Variants in FKBP9 observed in about 807,000 individuals in gnomAD.
The protein encoded by FKBP9 is peptidyl-prolyl cis-trans isomerase FKBP9.
In FKBP9, 27 loss-of-function variants were observed where a neutral mutation model predicts 55.6. The ratio of observed to expected loss-of-function variants is 0.49; its 90% CI spans 0.36 to 0.67. FKBP9 has a LOEUF of 0.67. Among genes scored for constraint, FKBP9 ranks in the 30% least tolerant of loss-of-function variants. FKBP9 has a pLI of 0.00. For missense variants in FKBP9, 539 were observed against 742.8 expected (o/e 0.73, Z 3.19); for synonymous variants, 267 against 296.5 (o/e 0.90, Z 1.02).
At chr7:32,977,985 G>A (rs1359909192) in intron 4 of FKBP9, among the ~76,000 whole-genome samples, 29 of 147,508 alleles carry the variant, frequency 2.0e-4, no homozygotes, top group Non-Finnish European at 2.7e-4. Context: ...GCAGTGGTGC[G>A]ATCTCGGCTC....
intron 6 of FKBP9, among the ~76,000 whole-genome samples, chr7:32,995,381 T>C (rs886362751): frequency 1.3e-5 from 2 of 152,166 alleles, no homozygotes; most frequent in South Asian, 2.1e-4. Context: ...GGCTGGGGGA[T>C]GTATTACAAC....
At chr7:32,984,613 A>C (rs1784541327) in intron 5 of FKBP9, among the ~76,000 whole-genome samples, 1 of 152,170 alleles carries the variant, frequency 6.6e-6, no homozygotes, top group African/African-American at 2.4e-5. Flanking sequence ...TATAGCAGAA[A>C]ATGTAAATTT....
In FKBP9 at chr7:33,003,371, C is replaced by G. The variant is rs182946102; in HGVS notation, c.1536+532C>G. On this transcript the variant is annotated intron_variant, in intron 9 of 9. Transcript: ENST00000242209. ...CATCCTCCAGCCTTTTCCTCTCTCT[C>G]TCCACATCATCAGCCCTTCTGGATC... 3.9e-4 allele frequency among the ~76,000 whole-genome samples: 59 copies of G among 152,360 alleles called. 1 individual carries two copies. Among genetic ancestry groups the G allele is most frequent in the African/African-American group, 1.3e-3 (53 of 41,582 alleles).
At chr7:32,973,580 AGTGTGTGTGTGTGT>A (rs10566069) in intron 1 of FKBP9, among the ~76,000 whole-genome samples, 1 of 144,010 alleles carries the variant, frequency 6.9e-6, no homozygotes, top group African/African-American at 2.7e-5. Context: ...AAAAAAATCA[AGTGTGTGTGTGTGT>A]GTGTGTGTGT....
In FKBP9 at chr7:32,957,600, G is replaced by C. The variant is rs1014231497; in HGVS notation, c.27G>C (p.Pro9=). The C allele has an allele frequency of 2.0e-5, 30 of 1,474,136 alleles. No homozygotes were observed. In the Middle Eastern group the frequency reaches 6.4e-4, roughly 32 times the overall value. 91.3% of individuals were successfully genotyped at this position (1,474,136 alleles called of 1,614,324 possible). Residue 9 remains proline, a synonymous_variant, in exon 1 of 10, where the codon CCG becomes CCC. Transcript: ENST00000242209. The stretch of plus-strand genomic sequence containing the variant: ...TGGCGTTCCGGGGCTGGAGGCCCCC[G>C]CCGCCACCGCTGCTCCTGCTGCTGC... The part of the protein sequence containing the change: MAFRGWRP[P]PPPLLLLLLW...
chr7:32,996,691 CCTTT>C (rs1784800052), intron 7 of FKBP9, among the ~76,000 whole-genome samples: 6 of 122,592 alleles, frequency 4.9e-5, no homozygotes, highest in Admixed American at 2.7e-4. Flanking sequence ...CCTCTTCTTT[CCTTT>C]CTTTCTCTTT....
At position 32,968,783 on chromosome 7, in the gene FKBP9, G is replaced by C. The variant is rs537670155; in HGVS notation, c.222-5834G>C. ...AGACGGGGTTTTGCCTCAGCCCCCC[G>C]AGTAGCTGGGATTACAGGCATATGC... On this transcript the variant is annotated intron_variant, in intron 1 of 9. Transcript: ENST00000242209. Among the ~76,000 whole-genome samples the C allele has an allele frequency of 6.6e-3, 1,006 of 151,394 alleles. 5 individuals carry two copies. Among genetic ancestry groups the C allele is most frequent in the Non-Finnish European group, 0.011 (754 of 67,844 alleles).
At chr7:32,969,074 C>T (rs1330961328) in intron 1 of FKBP9, among the ~76,000 whole-genome samples, 2 of 152,126 alleles carry the variant, frequency 1.3e-5, no homozygotes, top group East Asian at 3.8e-4. Flanking sequence ...AATCCCTTTG[C>T]TCATTTTAAA....
At position 32,957,753 on chromosome 7, in the gene FKBP9, C is replaced by T; in HGVS notation, c.180C>T (p.His60=). The change falls in exon 1 of 10, where the codon CAC becomes CAT. Residue 60 remains histidine (H), a synonymous_variant. Coordinates refer to ENST00000242209, the MANE Select transcript of FKBP9 (RefSeq NM_007270.5). ...GCAGCGGCGACTTCGTGCGCTACCACTACGTGGGGACGTTCCCCGACGGCC... is the reference window on the plus strand; with the variant it reads ...GCAGCGGCGACTTCGTGCGCTACCATTACGTGGGGACGTTCCCCGACGGCC... ...TVRSGDFVRY[H]YVGTFPDGQK... 6.6e-7 allele frequency: 1 copy of T among 1,504,650 alleles called. No homozygotes were observed. The highest frequency in any genetic ancestry group is 8.8e-7 in the Non-Finnish European group (1 of 1,130,508). 93.2% of individuals were successfully genotyped at this position (1,504,650 alleles called of 1,614,324 possible).
At chr7:32,967,194 T>C (rs1378346802) in intron 1 of FKBP9, among the ~76,000 whole-genome samples, 1 of 152,212 alleles carries the variant, frequency 6.6e-6, no homozygotes, top group Non-Finnish European at 1.5e-5. Context: ...TGTTTTGCTG[T>C]GTTCTGTACA....
intron 1 of FKBP9, among the ~76,000 whole-genome samples, chr7:32,964,554 G>C (rs1399689564): frequency 6.6e-6 from 1 of 152,154 alleles, no homozygotes; most frequent in African/African-American, 2.4e-5. Context: ...ATGAATGGAG[G>C]CGTTCTCTTT....
At position 33,002,818 on chromosome 7, in the gene FKBP9, C is replaced by T. The variant is rs370799328; in HGVS notation, c.1515C>T (p.Asn505=). ...NLFEEIDKDG[N]GEVLLEEFSE... is the part of the protein sequence containing the mutation. Reference sequence around the variant, plus strand: ...TTGAAGAAATTGACAAGGATGGCAACGGAGAAGTCCTCCTGGAAGAGGTAA... The same window carrying T: ...TTGAAGAAATTGACAAGGATGGCAATGGAGAAGTCCTCCTGGAAGAGGTAA... The change falls in exon 9 of 10, where the codon AAC becomes AAT. Residue 505 remains asparagine, a synonymous_variant. Coordinates refer to ENST00000242209, the MANE Select transcript of FKBP9 (RefSeq NM_007270.5). 1.7e-5 allele frequency: 28 copies of T among 1,613,870 alleles called. No individual in the cohort carries two copies. The highest frequency in any genetic ancestry group is 1.6e-4 in the Middle Eastern group (1 of 6,062).
chr7:32,984,995 G>A lies in FKBP9; in HGVS notation c.894-3512G>A, dbSNP rs181698251. On this transcript the variant is annotated intron_variant, in intron 5 of 9. Coordinates refer to ENST00000242209, the MANE Select transcript of FKBP9 (RefSeq NM_007270.5). ...TAGTGTTAGCTTTTTAATTTGTATA[G>A]TAGAGGGCATTCTTTTTCTTTTTTA... is the stretch of plus-strand genomic sequence containing the variant. Among the ~76,000 whole-genome samples the A allele has an allele frequency of 4.3e-4, 66 of 152,078 alleles. 2 individuals are homozygous for A. The East Asian group carries it at 7.9e-3, about 18-fold the overall frequency.
intron 1 of FKBP9, among the ~76,000 whole-genome samples, chr7:32,967,971 T>C (rs1784178603): frequency 1.3e-5 from 2 of 152,168 alleles, no homozygotes; most frequent in Non-Finnish European, 2.9e-5. Context: ...GTCAGGCTGG[T>C]TTCTAACTCC....
At chr7:32,977,013 A>T (rs1393466956) in intron 4 of FKBP9, among the ~76,000 whole-genome samples, 5 of 152,234 alleles carry the variant, frequency 3.3e-5, no homozygotes, top group Non-Finnish European at 7.3e-5. Context: ...ACAATGTCAG[A>T]ATTGCCAGAT....
At chr7:32,958,297 T>C (rs1783945936) in intron 1 of FKBP9, among the ~76,000 whole-genome samples, 1 of 152,338 alleles carries the variant, frequency 6.6e-6, no homozygotes, top group East Asian at 1.9e-4. Context: ...TAGGTGTAGT[T>C]CTAAGTACTT....
intron 5 of FKBP9, among the ~76,000 whole-genome samples, chr7:32,982,750 T>G (rs1378528782): frequency 6.6e-6 from 1 of 152,218 alleles, no homozygotes; most frequent in African/African-American, 2.4e-5. Context: ...TTTTCTTAGG[T>G]TTCAAGAGCT....
Position 33,005,936 on chromosome 7 carries a change from C to T in FKBP9, c.*585C>T, listed in dbSNP as rs542653080. The T allele has an allele frequency of 4.7e-5, 11 of 232,176 alleles. No homozygotes were observed. The South Asian group carries it at 5.4e-4, about 11-fold the overall frequency. 14.4% of individuals were successfully genotyped at this position (232,176 alleles called of 1,614,324 possible). On this transcript the variant is annotated 3_prime_UTR_variant, in exon 10 of 10. Transcript: ENST00000242209. ...CATGCTTTTCCAGCTCATCACACCC[C>T]GCCCCACTATGGGCCTACCATTAAT... is the stretch of plus-strand genomic sequence containing the variant.
At chr7:32,969,356 G>A (rs1430721948) in intron 1 of FKBP9, among the ~76,000 whole-genome samples, 4 of 151,022 alleles carry the variant, frequency 2.6e-5, no homozygotes, top group African/African-American at 9.7e-5. Context: ...TTATAGTTTT[G>A]GATCTTATAT....
Sources: allele counts gnomAD v4.1 joint callset (sites outside exome capture counted in the v4.1 genomes callset), GRCh38; gene constraint gnomAD v4.1.1; transcripts MANE v1.5; gene names NCBI Gene and HGNC (gene_info 2026-07-23, HGNC 2026-07-21).